ANOS1: variants seen among roughly 807,000 people sequenced by gnomAD.
ANOS1 encodes anosmin 1.
In ANOS1, 6 loss-of-function variants were observed where a neutral mutation model predicts 59.0. The ratio of observed to expected loss-of-function variants is 0.10; its 90% CI spans 0.06 to 0.20. The LOEUF (loss-of-function observed/expected upper bound fraction) is 0.20, where lower values mean the gene tolerates loss of function less well. Among genes scored for constraint, ANOS1 ranks in the 10% least tolerant of loss-of-function variants. The pLI, the probability that ANOS1 is intolerant of heterozygous loss-of-function variation, is 1.00. For synonymous variants in ANOS1, 217 were observed against 223.4 expected (o/e 0.97, Z 0.25); for missense variants, 433 against 542.3 (o/e 0.80, Z 2.00).
intron 9 of ANOS1, among the ~76,000 whole-genome samples, chrX:8,544,663 C>T (rs1393183030): frequency 9.0e-6 from 1 of 111,193 alleles, no homozygotes; most frequent in Non-Finnish European, 1.9e-5. Flanking sequence ...TGCCTTCAAC[C>T]CCAGCGTTTT....
chrX:8,691,235 G>A (rs995975920), intron 2 of ANOS1, among the ~76,000 whole-genome samples: 2 of 109,590 alleles, frequency 1.8e-5, no homozygotes, highest in Admixed American at 2.0e-4. Context: ...CACCACACCC[G>A]GCTAATTTTT....
chrX:8,699,440 G>T (rs1443311784), intron 2 of ANOS1, among the ~76,000 whole-genome samples: 1 of 111,886 alleles, frequency 8.9e-6, no homozygotes, highest in African/African-American at 3.2e-5. Context: ...TAGAACCATT[G>T]ATACCTGCAT....
At chrX:8,612,754 C>T (rs1373167800) in intron 3 of ANOS1, among the ~76,000 whole-genome samples, 1 of 110,604 alleles carries the variant, frequency 9.0e-6, no homozygotes. Context: ...AATGTGATAA[C>T]TTGGATGAAA....
At chrX:8,577,156 G>A (rs1227067917) in intron 6 of ANOS1, among the ~76,000 whole-genome samples, 1 of 112,198 alleles carries the variant, frequency 8.9e-6, no homozygotes, top group Non-Finnish European at 1.9e-5. Flanking sequence ...ATTAGGTTTA[G>A]GAAACTCGAC....
chrX:8,569,456 C>T (rs1601957979), intron 7 of ANOS1, among the ~76,000 whole-genome samples: 1 of 111,878 alleles, frequency 8.9e-6, no homozygotes, highest in South Asian at 3.7e-4. Flanking sequence ...TCCTGGCTAA[C>T]ATGGTGAAAC....
intron 1 of ANOS1, among the ~76,000 whole-genome samples, 181 bp downstream of exon 1, chrX:8,731,649 G>A (rs928945558): frequency 2.7e-5 from 3 of 112,463 alleles, no homozygotes. Flanking sequence ...CAGGAGCCGG[G>A]AAGAGGCTGG....
intron 9 of ANOS1, among the ~76,000 whole-genome samples, chrX:8,540,378 C>A (rs1424715117): frequency 9.0e-6 from 1 of 111,225 alleles, no homozygotes; most frequent in Non-Finnish European, 1.9e-5. Flanking sequence ...CGCATCGTGG[C>A]ATTTCTGTAT....
At chrX:8,642,540 C>T (rs1367379289) in intron 2 of ANOS1, among the ~76,000 whole-genome samples, 1 of 95,032 alleles carries the variant, frequency 1.1e-5, no homozygotes, top group Non-Finnish European at 2.2e-5. Flanking sequence ...TGTTATTAGG[C>T]AAAAAAAAAA....
chrX:8,598,185 C>T (rs775075455), intron 3 of ANOS1, among the ~76,000 whole-genome samples: 1 of 111,748 alleles, frequency 8.9e-6, no homozygotes, highest in African/African-American at 3.3e-5. Context: ...AAAATCAGCC[C>T]ACACCTATGT....
intron 2 of ANOS1, among the ~76,000 whole-genome samples, chrX:8,657,666 A>G (rs1283219634): frequency 3.7e-5 from 4 of 109,470 alleles, no homozygotes; most frequent in South Asian, 4.0e-4. Flanking sequence ...ATGGGGTTTT[A>G]CCATGTTGGT....
intron 1 of ANOS1, among the ~76,000 whole-genome samples, chrX:8,726,969 G>A (rs1326778625): frequency 8.9e-6 from 1 of 111,957 alleles, no homozygotes; most frequent in Non-Finnish European, 1.9e-5. Context: ...ATGAGGAACC[G>A]CCACTCCAAA....
chrX:8,654,480 A>G, intron 2 of ANOS1, among the ~76,000 whole-genome samples: 1 of 112,563 alleles, frequency 8.9e-6, no homozygotes, highest in Admixed American at 9.4e-5. Flanking sequence ...GAACTAAAAT[A>G]AAACAAAAGT....
chrX:8,595,045 C>A (rs1288125739), intron 4 of ANOS1, among the ~76,000 whole-genome samples: 1 of 109,690 alleles, frequency 9.1e-6, no homozygotes, highest in Admixed American at 9.9e-5. Context: ...TCCCCTTATT[C>A]TCAAGTGAAA....
intron 8 of ANOS1, chrX:8,566,130 A>C: frequency 1.3e-6 from 1 of 754,583 alleles, no homozygotes; most frequent in Non-Finnish European, 1.6e-6. Context: ...CTCACTCTTC[A>C]GGACTTCATG....
chrX:8,628,297 CATAA>C (rs2146850038), intron 2 of ANOS1, among the ~76,000 whole-genome samples: 1 of 112,195 alleles, frequency 8.9e-6, no homozygotes, highest in African/African-American at 3.2e-5. Context: ...CCAGAAAACT[CATAA>C]ATAATCTACC....
At chrX:8,645,505 T>C (rs916985631) in intron 2 of ANOS1, among the ~76,000 whole-genome samples, 4 of 112,452 alleles carry the variant, frequency 3.6e-5, no homozygotes, top group African/African-American at 1.3e-4. Flanking sequence ...GTCTGGACTT[T>C]TGTTTTTACT....
chrX:8,638,368 A>G (rs1931605378), intron 2 of ANOS1, among the ~76,000 whole-genome samples: 1 of 109,830 alleles, frequency 9.1e-6, no homozygotes, highest in South Asian at 3.9e-4. Context: ...TTACTTTGTA[A>G]CCTCCCTCTC....
At chrX:8,666,903 A>C (rs5934476) in intron 2 of ANOS1, among the ~76,000 whole-genome samples, 1 of 109,063 alleles carries the variant, frequency 9.2e-6, no homozygotes, top group Non-Finnish European at 1.9e-5. Context: ...GGGCCCAGAC[A>C]ACATCACCCC....
chrX:8,579,412 T>A (rs1930383379), intron 6 of ANOS1, among the ~76,000 whole-genome samples: 1 of 112,403 alleles, frequency 8.9e-6, no homozygotes, highest in Non-Finnish European at 1.9e-5. Context: ...GATTATTAAC[T>A]TTGTACCATA....
Sources: allele counts gnomAD v4.1 joint callset (sites outside exome capture counted in the v4.1 genomes callset), GRCh38; gene constraint gnomAD v4.1.1; transcripts MANE v1.5; gene names NCBI Gene and HGNC (gene_info 2026-07-23, HGNC 2026-07-21).